MAP3K20: variants seen among roughly 807,000 people sequenced by gnomAD.
MAP3K20 encodes HCCS-4.
A neutral mutation model predicts 85.7 loss-of-function variants in MAP3K20; 40 were observed. The observed-to-expected ratio is 0.47, with a 90% CI of 0.36 to 0.61. MAP3K20 has a LOEUF of 0.61. MAP3K20 is among the 20% of genes least tolerant of loss of function. The pLI is 0.00. For missense variants in MAP3K20, 817 were observed against 961.7 expected (o/e 0.85, Z 1.99); for synonymous variants, 325 against 327.7 (o/e 0.99, Z 0.09).
chr2:173,255,625 T>G (rs1685140109), intron 16 of MAP3K20, among the ~76,000 whole-genome samples: 1 of 152,188 alleles, frequency 6.6e-6, no homozygotes, highest in South Asian at 2.1e-4. Flanking sequence ...AGAGCCGTTC[T>G]GACGGTGTGC....
chr2:173,088,776 C>G (rs897874383), intron 1 of MAP3K20, among the ~76,000 whole-genome samples: 4 of 152,128 alleles, frequency 2.6e-5, no homozygotes, highest in Non-Finnish European at 5.9e-5. Context: ...TGGCAACATT[C>G]CTGAATTTTA....
intron 9 of MAP3K20, among the ~76,000 whole-genome samples, chr2:173,204,377 C>T (rs1448703590): frequency 6.6e-6 from 1 of 152,200 alleles, no homozygotes; most frequent in Non-Finnish European, 1.5e-5. Flanking sequence ...CTAGGTCTGG[C>T]ACAGTCCCTG....
intron 11 of MAP3K20, chr2:173,222,305 G>C: frequency 1.0e-6 from 1 of 985,910 alleles, no homozygotes; most frequent in Non-Finnish European, 1.2e-6. Flanking sequence ...AAATACCTAA[G>C]TGCTGAGAAT....
At chr2:173,123,136 C>T (rs1688343414) in intron 2 of MAP3K20, among the ~76,000 whole-genome samples, 1 of 152,180 alleles carries the variant, frequency 6.6e-6, no homozygotes, top group East Asian at 1.9e-4. Context: ...CCATATCATG[C>T]CAGGGAAGTT....
chr2:173,174,284 T>C (rs1690091117), intron 3 of MAP3K20, among the ~76,000 whole-genome samples: 1 of 152,180 alleles, frequency 6.6e-6, no homozygotes, highest in African/African-American at 2.4e-5. Flanking sequence ...ACATGTGCCA[T>C]GGTGGTTTGT....
intron 16 of MAP3K20, among the ~76,000 whole-genome samples, chr2:173,247,515 G>A (rs1684945106): frequency 6.6e-6 from 1 of 152,090 alleles, no homozygotes; most frequent in African/African-American, 2.4e-5. Context: ...TAAGTGAAGG[G>A]AAGTTTATTT....
At chr2:173,222,806 T>A (rs555258193) in intron 11 of MAP3K20, 1 of 985,416 alleles carries the variant, frequency 1.0e-6, no homozygotes, top group East Asian at 1.1e-4. Context: ...ATACAGGCAC[T>A]GCTCTGAAAA....
At position 173,198,109 on chromosome 2, in the gene MAP3K20, C is replaced by T. The variant is rs374430412; in HGVS notation, c.666C>T (p.Asn222=). The part of the protein sequence containing the change: ...LQVAWLVVEK[N]ERLTIPSSCP... Reference sequence around the variant, plus strand: ...TAGCTTGGCTTGTAGTGGAAAAAAACGAGGTAAGACTACGTTTCTCCATTC... The same window carrying T: ...TAGCTTGGCTTGTAGTGGAAAAAAATGAGGTAAGACTACGTTTCTCCATTC... Residue 222 remains asparagine, a synonymous_variant, in exon 8 of 20, where the codon AAC becomes AAT. Coordinates refer to ENST00000375213, the MANE Select transcript of MAP3K20 (RefSeq NM_016653.3). The surrounding 1 kb of genome is among the most constrained non-coding windows in gnomAD (Gnocchi z 5.8). The T allele has an allele frequency of 1.9e-6, 3 of 1,611,586 alleles. No homozygotes were observed. Among genetic ancestry groups the T allele is most frequent in the Non-Finnish European group, 2.5e-6 (3 of 1,178,496 alleles).
chr2:173,239,204 T>TCA (rs1684723004), intron 15 of MAP3K20, among the ~76,000 whole-genome samples, 200 bp from the exon 16 acceptor site: 1 of 152,068 alleles, frequency 6.6e-6, no homozygotes, highest in African/African-American at 2.4e-5. Context: ...ATGAAATAAA[T>TCA]CATTTGGCAA....
At chr2:173,246,123 G>A (rs1485466679) in intron 16 of MAP3K20, among the ~76,000 whole-genome samples, 2 of 152,108 alleles carry the variant, frequency 1.3e-5, no homozygotes, top group Non-Finnish European at 2.9e-5. Context: ...ACATGACAGG[G>A]AACATTATCT....
At chr2:173,104,340 G>A (rs1004758193) in intron 2 of MAP3K20, among the ~76,000 whole-genome samples, 1 of 152,156 alleles carries the variant, frequency 6.6e-6, no homozygotes, top group Non-Finnish European at 1.5e-5. Flanking sequence ...AAAATATCAG[G>A]CAAACCAAAG....
intron 18 of MAP3K20, among the ~76,000 whole-genome samples, chr2:173,263,486 G>A (rs1180522099): frequency 6.6e-6 from 1 of 152,190 alleles, no homozygotes; most frequent in Non-Finnish European, 1.5e-5. Flanking sequence ...AGAAATTTAT[G>A]TTATAATCCA....
chr2:173,205,991 T>C (rs1683673464), intron 9 of MAP3K20, among the ~76,000 whole-genome samples: 1 of 152,186 alleles, frequency 6.6e-6, no homozygotes, highest in African/African-American at 2.4e-5. Flanking sequence ...ACTGTTAAAA[T>C]GGTATCATAC....
intron 2 of MAP3K20, among the ~76,000 whole-genome samples, chr2:173,148,677 C>T (rs899027409): frequency 2.0e-5 from 3 of 152,186 alleles, no homozygotes; most frequent in South Asian, 4.1e-4. Context: ...AACCTCCTGA[C>T]GATGCCTGGA....
chr2:173,235,378 T>A (rs1422299148), intron 14 of MAP3K20, among the ~76,000 whole-genome samples: 3 of 152,140 alleles, frequency 2.0e-5, no homozygotes, highest in Non-Finnish European at 4.4e-5. Flanking sequence ...ACAACTGTTA[T>A]CCCCCACCTG....
At chr2:173,192,079 A>G (rs7607475) in intron 7 of MAP3K20, among the ~76,000 whole-genome samples, 1 of 105,604 alleles carries the variant, frequency 9.5e-6, no homozygotes, top group Non-Finnish European at 2.2e-5. Context: ...CTGCCCTGCT[A>G]TTTATACTAT....
At chr2:173,115,067 A>G (rs1688079076) in intron 2 of MAP3K20, among the ~76,000 whole-genome samples, 3 of 150,514 alleles carry the variant, frequency 2.0e-5, no homozygotes, top group African/African-American at 7.5e-5. Context: ...GTCATTCAGC[A>G]TAATCCCAGA....
At position 173,239,635 on chromosome 2, in the gene MAP3K20, T is replaced by C. The variant is rs574853109; in HGVS notation, c.1359+139T>C. On this transcript the variant is annotated intron_variant, in intron 16 of 19. Transcript: ENST00000375213. The stretch of plus-strand genomic sequence containing the variant: ...AATTTATAGACTTTATAAAATAGAA[T>C]TTAGCTGAAAGGCTGCCAGCTGCCT... 35 of 775,216 alleles carry C rather than the reference T, an allele frequency of 4.5e-5. No homozygotes were observed. The African/African-American group carries it at 5.0e-4, about 11-fold the overall frequency. 48.0% of individuals were successfully genotyped at this position (775,216 alleles called of 1,614,324 possible). A position where few individuals can be genotyped will look rare whatever the true frequency, so the allele number is the denominator to read the frequency against.
chr2:173,151,414 T>C (rs1309975072), intron 2 of MAP3K20, among the ~76,000 whole-genome samples: 8 of 152,190 alleles, frequency 5.3e-5, no homozygotes, highest in African/African-American at 1.9e-4. Context: ...CATTTTGACA[T>C]TTTATCAATA....
Sources: allele counts gnomAD v4.1 joint callset (sites outside exome capture counted in the v4.1 genomes callset), GRCh38; gene constraint gnomAD v4.1.1; non-coding constraint Gnocchi (gnomAD v3.1); transcripts MANE v1.5; gene names NCBI Gene and HGNC (gene_info 2026-07-23, HGNC 2026-07-21).